The following FAM204A variants were observed in gnomAD, a reference collection of about 807,000 sequenced individuals.
The protein encoded by FAM204A is protein FAM204A.
FAM204A carries 16 observed loss-of-function variants against 35.4 expected under a neutral mutation model. The ratio of observed to expected loss-of-function variants is 0.45; its 90% CI spans 0.31 to 0.69. FAM204A has a LOEUF of 0.69. FAM204A is among the 30% of genes least tolerant of loss of function. The pLI, the probability that FAM204A is intolerant of heterozygous loss-of-function variation, is 0.07. For synonymous variants in FAM204A, 76 were observed against 86.9 expected, an observed-to-expected ratio of 0.88 and a Z score of 0.70; for missense variants, 240 against 265.7, an observed-to-expected ratio of 0.90 and a Z score of 0.67.
rs1342249481 is a variant in FAM204A, at chr10:118,308,448, C to T, written c.*2409G>A. 6.6e-6 allele frequency: 1 copy of T among 152,082 alleles called. No homozygotes were observed. Among genetic ancestry groups the T allele is most frequent in the Non-Finnish European group, 1.5e-5 (1 of 68,016 alleles). 9.4% of individuals were successfully genotyped at this position (152,082 alleles called of 1,614,324 possible). A position where few individuals can be genotyped will look rare whatever the true frequency, so the allele number is the denominator to read the frequency against. On this transcript the variant is annotated 3_prime_UTR_variant, in exon 9 of 9. Transcript: ENST00000369183. ...GTTTCTAGGAGTAAAATACCTAATT[C>T]CTATTAGAAAGGATAAAATAAAACT... is the stretch of plus-strand genomic sequence containing the variant.
At position 118,300,221 on chromosome 10, in the gene FAM204A, G is replaced by T. The variant is rs554060456; in HGVS notation, c.*10636C>A. On this transcript the variant is annotated 3_prime_UTR_variant, in exon 9 of 9. Coordinates refer to ENST00000369183, the MANE Select transcript of FAM204A (RefSeq NM_022063.3). ...TCACATGTCCATCTTTCTAGAGAGAGGGTCTGTAGCCCCCAGCAACTGAAA... is the reference window on the plus strand; with the variant it reads ...TCACATGTCCATCTTTCTAGAGAGATGGTCTGTAGCCCCCAGCAACTGAAA... 1 of 152,332 alleles carries T rather than the reference G, an allele frequency of 6.6e-6. No individual in the cohort carries two copies. The highest frequency in any genetic ancestry group is 1.5e-5 in the Non-Finnish European group (1 of 68,020). 9.4% of individuals were successfully genotyped at this position (152,332 alleles called of 1,614,324 possible). A position where few individuals can be genotyped will look rare whatever the true frequency, so the allele number is the denominator to read the frequency against.
At position 118,310,319 on chromosome 10, in the gene FAM204A, C is replaced by CA. The variant is rs759008555; in HGVS notation, c.*537dup. On this transcript the variant is annotated 3_prime_UTR_variant, in exon 9 of 9. Transcript: ENST00000369183. ...CAAAACTCTGTCTCTACTAAAAATA[C>CA]AAAAAAAAAAAAAAAATTAGCCGGG... 8.8e-3 allele frequency: 999 copies of CA among 113,550 alleles called. 3 individuals carry two copies. The highest frequency in any genetic ancestry group is 0.03 in the Middle Eastern group (7 of 232). The allele number at this position is 113,550 out of a possible 1,614,324, so 7.0% of individuals were successfully genotyped here.
At chr10:118,322,239 C>T in intron 7 of FAM204A, 1 of 429,100 alleles carries the variant, frequency 2.3e-6, no homozygotes, top group East Asian at 7.2e-5. Context: ...TAACTCCCCA[C>T]AAGACACTTA....
chr10:118,317,249 T>C (rs1846045520), intron 7 of FAM204A, among the ~76,000 whole-genome samples: 2 of 152,118 alleles, frequency 1.3e-5, no homozygotes, highest in Admixed American at 1.3e-4. Flanking sequence ...AATTAAGAGC[T>C]AATTACAAAC....
chr10:118,336,019 G>C (rs1267906182), intron 3 of FAM204A, 163 bp downstream of exon 3: 2 of 725,054 alleles, frequency 2.8e-6, no homozygotes, highest in Non-Finnish European at 4.3e-6. Flanking sequence ...ATAAACGCAA[G>C]TATCTAAGTG....
At chr10:118,340,043 G>A (rs1240767694) in intron 2 of FAM204A, among the ~76,000 whole-genome samples, 1 of 152,138 alleles carries the variant, frequency 6.6e-6, no homozygotes, top group Non-Finnish European at 1.5e-5. Flanking sequence ...ATAGTAACAG[G>A]AGTCTCTAAG....
At position 118,340,883 on chromosome 10, in the gene FAM204A, C is replaced by A. The variant is rs150906962; in HGVS notation, c.-9+844G>T. On this transcript the variant is annotated intron_variant, in intron 2 of 8. Transcript: ENST00000369183. ...ACTGACTTGCCTAATGCATTCTGATCCATTTGTTTTACAAAAATAGCCCCA... is the reference window on the plus strand; with the variant it reads ...ACTGACTTGCCTAATGCATTCTGATACATTTGTTTTACAAAAATAGCCCCA... Among the ~76,000 whole-genome samples, 179 of 146,558 alleles carry A rather than the reference C, an allele frequency of 1.2e-3. 1 individual carries two copies. The highest frequency in any genetic ancestry group is 4.3e-3 in the African/African-American group (174 of 40,444).
Position 118,301,164 on chromosome 10 carries a change from A to G in FAM204A, c.*9693T>C, listed in dbSNP as rs1845804623. On this transcript the variant is annotated 3_prime_UTR_variant, in exon 9 of 9. Coordinates refer to ENST00000369183, the MANE Select transcript of FAM204A (RefSeq NM_022063.3). ...TCTTTGAAGGCTAGGGCCATCAATT[A>G]CATTTTTGTTTCTTCCAGAAAATTG... is the stretch of plus-strand genomic sequence containing the variant. 6.6e-6 allele frequency: 1 copy of G among 152,208 alleles called. No individual in the cohort carries two copies. Among genetic ancestry groups the G allele is most frequent in the African/African-American group, 2.4e-5 (1 of 41,434 alleles). The allele number at this position is 152,208 out of a possible 1,614,324, so 9.4% of individuals were successfully genotyped here. A position where few individuals can be genotyped will look rare whatever the true frequency, so the allele number is the denominator to read the frequency against.
At chr10:118,342,138 C>G (rs1219887062) in intron 1 of FAM204A, 132 bp downstream of exon 1, 1 of 152,282 alleles carries the variant, frequency 6.6e-6, no homozygotes, top group Non-Finnish European at 1.5e-5. Flanking sequence ...CTAGCCTGCT[C>G]CGGGAGGCTC....
At chr10:118,314,860 C>T (rs1306703980) in intron 7 of FAM204A, among the ~76,000 whole-genome samples, 1 of 151,996 alleles carries the variant, frequency 6.6e-6, no homozygotes, top group Admixed American at 6.6e-5. Flanking sequence ...AACATTATCA[C>T]AAAGAACTGC....
chr10:118,324,373 A>G (rs6585482), intron 7 of FAM204A, among the ~76,000 whole-genome samples: 27,884 of 152,208 alleles, frequency 0.18, 2,771 homozygotes, highest in Admixed American at 0.26. Context: ...GTACACCAAT[A>G]TTCATAGCAG....
rs999353962 is a variant in FAM204A at position 118,302,157 on chromosome 10, C to T, written c.*8700G>A. On this transcript the variant is annotated 3_prime_UTR_variant, in exon 9 of 9. Transcript: ENST00000369183. ...TCTAGGATATGAGCCCCATGAAGAT[C>T]CAGCCGCTTTGTTCAGCGTGGCATC... 1 of 152,218 alleles carries T rather than the reference C, an allele frequency of 6.6e-6. No homozygotes were observed. Among genetic ancestry groups the T allele is most frequent in the African/African-American group, 2.4e-5 (1 of 41,438 alleles). 9.4% of individuals were successfully genotyped at this position (152,218 alleles called of 1,614,324 possible).
In FAM204A at chr10:118,320,903, G is replaced by GT. The variant is rs772029098; in HGVS notation, c.543+5250_543+5251insA. ...CCGTTTTGTGTGTGTGTGTGTGTGT[G>GT]GTTTTTTTTTTTTAAGAACTGTTTT... is the stretch of plus-strand genomic sequence containing the variant. On this transcript the variant is annotated intron_variant, in intron 7 of 8. Coordinates refer to ENST00000369183, the MANE Select transcript of FAM204A (RefSeq NM_022063.3). 2.8e-3 allele frequency among the ~76,000 whole-genome samples: 412 copies of GT among 148,550 alleles called. 2 individuals are homozygous for GT. The highest frequency in any genetic ancestry group is 4.3e-3 in the Non-Finnish European group (286 of 66,744).
In FAM204A at chr10:118,326,247, GA is replaced by G. The variant is rs762037366; in HGVS notation, c.454-5del. 7 of 1,605,786 alleles carry G rather than the reference GA, an allele frequency of 4.4e-6. No homozygotes were observed. Among genetic ancestry groups the G allele is most frequent in the Admixed American group, 3.4e-5 (2 of 58,120 alleles). ...CTATCCTCTTTTCAAGGCCTGACTA[GA>G]AAAAAAAGAAACCTAAAATTAAGGG... On this transcript the variant is annotated splice_polypyrimidine_tract_variant and splice_region_variant and intron_variant, in intron 6 of 8. Coordinates refer to ENST00000369183, the MANE Select transcript of FAM204A (RefSeq NM_022063.3).
chr10:118,337,232 T>C (rs1276583326), intron 2 of FAM204A: 2 of 984,928 alleles, frequency 2.0e-6, no homozygotes, highest in Non-Finnish European at 2.4e-6. Flanking sequence ...ATACTCACTA[T>C]TGATCTTCAT....
At chr10:118,323,523 T>C (rs1846151908) in intron 7 of FAM204A, among the ~76,000 whole-genome samples, 1 of 152,114 alleles carries the variant, frequency 6.6e-6, no homozygotes, top group Non-Finnish European at 1.5e-5. Flanking sequence ...GCCACCACCT[T>C]CTGCATCCCT....
At chr10:118,316,937 T>C (rs1846041050) in intron 7 of FAM204A, among the ~76,000 whole-genome samples, 1 of 152,044 alleles carries the variant, frequency 6.6e-6, no homozygotes, top group African/African-American at 2.4e-5. Context: ...AAGCAACTTA[T>C]GCCATTCATA....
At chr10:118,312,571 A>G (rs1364776575) in intron 7 of FAM204A, among the ~76,000 whole-genome samples, 1 of 152,176 alleles carries the variant, frequency 6.6e-6, no homozygotes, top group Non-Finnish European at 1.5e-5. Context: ...GCAAAAATAG[A>G]TTTGATTTTT....
rs894246673 is a variant in FAM204A at position 118,301,683 on chromosome 10, T to G, written c.*9174A>C. On this transcript the variant is annotated 3_prime_UTR_variant, in exon 9 of 9. Coordinates refer to ENST00000369183, the MANE Select transcript of FAM204A (RefSeq NM_022063.3). ...GAATTGTCTCCCAACAAGTATATTG[T>G]TTGCTATATGTGAGAATCTATTCTC... The G allele has an allele frequency of 1.3e-5, 2 of 152,226 alleles. No individual in the cohort carries two copies. Among genetic ancestry groups the G allele is most frequent in the African/African-American group, 4.8e-5 (2 of 41,456 alleles). 9.4% of individuals were successfully genotyped at this position (152,226 alleles called of 1,614,324 possible). A position where few individuals can be genotyped will look rare whatever the true frequency, so the allele number is the denominator to read the frequency against.
Sources: allele counts gnomAD v4.1 joint callset (sites outside exome capture counted in the v4.1 genomes callset), GRCh38; gene constraint gnomAD v4.1.1; transcripts MANE v1.5; gene names NCBI Gene and HGNC (gene_info 2026-07-23, HGNC 2026-07-21).